Variants in TCERG1L observed in about 807,000 individuals in gnomAD.
TCERG1L encodes the protein transcription elongation regulator 1-like protein.
In TCERG1L, 37 loss-of-function variants were observed where a neutral mutation model predicts 56.3. That is an observed-to-expected ratio of 0.66 (90% CI 0.51 to 0.87). TCERG1L has a LOEUF of 0.87. Among genes scored for constraint, TCERG1L ranks in the 40% least tolerant of loss-of-function variants. The pLI is 0.00. For synonymous variants in TCERG1L, 324 were observed against 326.3 expected, an observed-to-expected ratio of 0.99 and a Z score of 0.08; for missense variants, 799 against 774.2, an observed-to-expected ratio of 1.03 and a Z score of -0.38.
chr10:131,298,164 T>C (rs185483696), intron 3 of TCERG1L, among the ~76,000 whole-genome samples: 26 of 151,226 alleles, frequency 1.7e-4, no homozygotes, highest in Admixed American at 1.3e-3. Context: ...TTTTTTAATA[T>C]AGGCGTTTTA....
chr10:131,236,261 T>C (rs550208441), intron 4 of TCERG1L, among the ~76,000 whole-genome samples: 53 of 152,352 alleles, frequency 3.5e-4, no homozygotes, highest in African/African-American at 1.1e-3. Flanking sequence ...TCTAATGAAT[T>C]TGACCATCAA....
At chr10:131,095,110 G>C (rs1311969554) in intron 11 of TCERG1L, 1 of 152,800 alleles carries the variant, frequency 6.5e-6, no homozygotes, top group Non-Finnish European at 1.5e-5. Flanking sequence ...AGTGGGACTC[G>C]GGCCAGCCTG....
At chr10:131,213,949 G>A (rs920115798) in intron 4 of TCERG1L, among the ~76,000 whole-genome samples, 1 of 152,228 alleles carries the variant, frequency 6.6e-6, no homozygotes, top group Admixed American at 6.5e-5. Context: ...AGTCCCGGCA[G>A]TTCCAGTGGC....
chr10:131,277,272 G>C (rs1490937493), intron 3 of TCERG1L, among the ~76,000 whole-genome samples: 3 of 152,160 alleles, frequency 2.0e-5, no homozygotes, highest in African/African-American at 7.2e-5. Context: ...GGATTGGCGA[G>C]GTTCTGGAAC....
chr10:131,294,161 T>C (rs954702689), intron 3 of TCERG1L, among the ~76,000 whole-genome samples: 1 of 152,176 alleles, frequency 6.6e-6, no homozygotes, highest in Non-Finnish European at 1.5e-5. Flanking sequence ...GGAAACTGTA[T>C]ATCTGAAGAA....
intron 8 of TCERG1L, among the ~76,000 whole-genome samples, chr10:131,125,988 C>T (rs1180303995): frequency 2.6e-5 from 4 of 152,182 alleles, no homozygotes; most frequent in Admixed American, 2.0e-4. Context: ...CCTGGAGGAG[C>T]GATCATGAGT....
intron 3 of TCERG1L, among the ~76,000 whole-genome samples, chr10:131,285,011 A>C (rs1846505505): frequency 2.6e-5 from 4 of 152,222 alleles, no homozygotes; most frequent in Admixed American, 2.6e-4. Context: ...CATTAAAAAA[A>C]GAGGAGCCAC....
intron 4 of TCERG1L, among the ~76,000 whole-genome samples, chr10:131,218,797 C>A (rs1404347288): frequency 2.0e-5 from 3 of 152,144 alleles, no homozygotes; most frequent in Non-Finnish European, 4.4e-5. Context: ...CAAGGGGGAT[C>A]CTTGCAGCTT....
intron 4 of TCERG1L, among the ~76,000 whole-genome samples, chr10:131,170,904 T>C (rs1440639613): frequency 2.0e-5 from 3 of 152,056 alleles, no homozygotes; most frequent in African/African-American, 7.2e-5. Context: ...TCCCAGCACT[T>C]TGGGAGGCCG....
At position 131,098,328 on chromosome 10, in the gene TCERG1L, C is replaced by G. The variant is rs1818450664; in HGVS notation, c.1582G>C (p.Glu528Gln). 1.3e-6 allele frequency: 2 copies of G among 1,552,548 alleles called. No homozygotes were observed. Among genetic ancestry groups the G allele is most frequent in the South Asian group, 2.4e-5 (2 of 84,086 alleles). ...TACCTGGGAGACACTTTAGATTCCT[C>G]TAGAAGTTTCTTGAATTCTTCTTTG... ...LAKEEFKKLL[E>Q]ESKVSPRTTF... The change falls in exon 11 of 12, where the codon GAG (glutamate) becomes CAG (glutamine). Residue 528 changes from glutamate (E) to glutamine (Q), a missense_variant. By Grantham distance (29) the Glu-to-Gln change is conservative. Transcript: ENST00000368642.
intron 4 of TCERG1L, among the ~76,000 whole-genome samples, chr10:131,251,521 C>G (rs1846111353): frequency 6.6e-6 from 1 of 152,190 alleles, no homozygotes; most frequent in Admixed American, 6.5e-5. Flanking sequence ...CTCCTTTCCT[C>G]TTTACACCTC....
chr10:131,108,642 G>A (rs549565014), intron 9 of TCERG1L, among the ~76,000 whole-genome samples: 33 of 152,298 alleles, frequency 2.2e-4, no homozygotes, highest in South Asian at 6.2e-4. Context: ...CAAACTCAGC[G>A]GGTCACAAGC....
At chr10:131,171,651 A>C (rs764579059) in intron 4 of TCERG1L, among the ~76,000 whole-genome samples, 2 of 152,150 alleles carry the variant, frequency 1.3e-5, no homozygotes, top group Non-Finnish European at 2.9e-5. Context: ...GCAACCTTCA[A>C]GTGATTCTCC....
At chr10:131,142,276 G>C (rs1384015085) in intron 7 of TCERG1L, among the ~76,000 whole-genome samples, 1 of 152,090 alleles carries the variant, frequency 6.6e-6, no homozygotes, top group Non-Finnish European at 1.5e-5. Context: ...AACCACACTA[G>C]CTCACCACCC....
chr10:131,158,063 T>C (rs1443731463), intron 6 of TCERG1L, among the ~76,000 whole-genome samples: 7 of 152,260 alleles, frequency 4.6e-5, no homozygotes, highest in African/African-American at 1.4e-4. Context: ...AGGCCCTGCG[T>C]CTGGCCACCT....
intron 3 of TCERG1L, among the ~76,000 whole-genome samples, chr10:131,274,347 G>A (rs111981965): frequency 2.0e-5 from 3 of 152,316 alleles, no homozygotes; most frequent in Admixed American, 6.5e-5. Flanking sequence ...CAGGGCCAAC[G>A]CCATTCCCAG....
intron 4 of TCERG1L, among the ~76,000 whole-genome samples, chr10:131,189,531 A>G (rs1845282779): frequency 6.6e-6 from 1 of 152,202 alleles, no homozygotes; most frequent in Admixed American, 6.5e-5. Context: ...ATGGCTGAAT[A>G]GTATTCCATG....
At chr10:131,146,872 T>A (rs568831335) in intron 6 of TCERG1L, among the ~76,000 whole-genome samples, 1 of 152,300 alleles carries the variant, frequency 6.6e-6, no homozygotes, top group East Asian at 1.9e-4. Context: ...GACATTCTTA[T>A]CACCAGCCTT....
rs1845478904 is a variant in TCERG1L at position 131,118,224 on chromosome 10, G to A, written c.1260-1290C>T. On this transcript the variant is annotated intron_variant, in intron 8 of 11. Coordinates refer to ENST00000368642, the MANE Select transcript of TCERG1L (RefSeq NM_174937.4). This position sits in a 1 kb window ranked among gnomAD's most constrained non-coding sequence, Gnocchi z 4.2. Reference sequence around the variant, plus strand: ...GTCCGCTCACAAGCAGTGGCTTAGGGCCTCCTACATTCTGGGAGCTCCCTA... The same window carrying A: ...GTCCGCTCACAAGCAGTGGCTTAGGACCTCCTACATTCTGGGAGCTCCCTA... Among the ~76,000 whole-genome samples the A allele has an allele frequency of 1.3e-5, 2 of 152,182 alleles. No individual in the cohort carries two copies.
Sources: gnomAD v4.1 joint callset for allele counts (sites outside exome capture counted in the v4.1 genomes callset) on GRCh38, gnomAD v4.1.1 for gene constraint, Gnocchi (gnomAD v3.1) non-coding constraint, MANE v1.5 for transcripts, NCBI Gene and HGNC (gene_info 2026-07-23, HGNC 2026-07-21) for gene names.